The following FNBP1 variants were observed in gnomAD, a reference collection of about 807,000 sequenced individuals.
FNBP1 encodes formin binding protein 1.
FNBP1 carries 26 observed loss-of-function variants against 90.6 expected under a neutral mutation model. The observed-to-expected ratio is 0.29, with a 90% confidence interval of 0.21 to 0.40. The LOEUF (loss-of-function observed/expected upper bound fraction) is 0.40, where lower values mean the gene tolerates loss of function less well. Ranked by LOEUF, FNBP1 falls within the 10% of genes least tolerant of loss-of-function variation. FNBP1 has a pLI of 1.00. For missense variants in FNBP1, 635 were observed against 768.0 expected (o/e 0.83, Z 2.05); for synonymous variants, 260 against 265.2 (o/e 0.98, Z 0.19).
At chr9:129,914,985 A>G (rs2064570382) in intron 11 of FNBP1, 2 of 381,490 alleles carry the variant, frequency 5.2e-6, no homozygotes, top group African/African-American at 4.2e-5. Flanking sequence ...CTTTTAATAA[A>G]TTTAATGATT....
At chr9:129,952,117 G>A (rs116491668) in intron 6 of FNBP1, among the ~76,000 whole-genome samples, 6,258 of 151,978 alleles carry the variant, frequency 0.041, 232 homozygotes, top group African/African-American at 0.099. Context: ...GTTTGAACCC[G>A]GGAGGCACAG....
chr9:129,894,929 A>G (rs10988541), intron 16 of FNBP1, among the ~76,000 whole-genome samples: 87,298 of 151,726 alleles, frequency 0.58, 25,369 homozygotes, highest in East Asian at 0.8. Flanking sequence ...GTGGTGGTGC[A>G]CACCTGTAAT....
intron 6 of FNBP1, among the ~76,000 whole-genome samples, chr9:129,941,676 C>G (rs1469094787): frequency 6.6e-6 from 1 of 152,108 alleles, no homozygotes. Flanking sequence ...CGTTGCCCAG[C>G]CTGGTCTCGA....
intron 15 of FNBP1, among the ~76,000 whole-genome samples, 200 bp downstream of exon 15, chr9:129,899,765 A>AG (rs2036517854): frequency 1.5e-5 from 2 of 134,584 alleles, no homozygotes; most frequent in Admixed American, 7.4e-5. Flanking sequence ...AAGGAAGGGA[A>AG]GGAAGGGAAG....
At chr9:130,009,035 A>T (rs1189457030) in intron 1 of FNBP1, among the ~76,000 whole-genome samples, 2 of 152,224 alleles carry the variant, frequency 1.3e-5, no homozygotes, top group Non-Finnish European at 2.9e-5. Context: ...CCAGATTTTT[A>T]AAGTCCTGAC....
At chr9:129,927,136 TG>T in intron 8 of FNBP1, 58 bp downstream of exon 8, 1 of 1,560,146 alleles carries the variant, frequency 6.4e-7, no homozygotes. Context: ...GGAAAGGGGA[TG>T]GGGAGAAATA....
chr9:129,955,835 G>GCACA (rs57433578), intron 6 of FNBP1, among the ~76,000 whole-genome samples: 44 of 140,714 alleles, frequency 3.1e-4, no homozygotes, highest in South Asian at 4.4e-4. Context: ...CTTTTAGCGC[G>GCACA]CACACACACA....
At chr9:129,940,251 A>G (rs894804033) in intron 6 of FNBP1, among the ~76,000 whole-genome samples, 1 of 152,162 alleles carries the variant, frequency 6.6e-6, no homozygotes, top group Non-Finnish European at 1.5e-5. Flanking sequence ...CAACAAAACA[A>G]CATTTTGAAG....
intron 1 of FNBP1, among the ~76,000 whole-genome samples, chr9:130,005,723 C>T (rs1330947081): frequency 6.6e-6 from 1 of 152,208 alleles, no homozygotes; most frequent in East Asian, 1.9e-4. Flanking sequence ...AAAGTGACTT[C>T]ATTGCTTGCC....
chr9:129,980,916 T>C (rs1017789037), intron 2 of FNBP1, among the ~76,000 whole-genome samples: 3 of 151,692 alleles, frequency 2.0e-5, no homozygotes, highest in Non-Finnish European at 2.9e-5. Context: ...CTGGGCATGG[T>C]GGCAGGCGCC....
intron 4 of FNBP1, among the ~76,000 whole-genome samples, chr9:129,962,550 C>G (rs796977355): frequency 6.6e-6 from 1 of 152,182 alleles, no homozygotes; most frequent in Non-Finnish European, 1.5e-5. Context: ...ACTGGAAAGG[C>G]TGGGAAGGCA....
intron 1 of FNBP1, among the ~76,000 whole-genome samples, chr9:130,009,079 G>A (rs1456179439): frequency 6.6e-6 from 1 of 152,158 alleles, no homozygotes; most frequent in African/African-American, 2.4e-5. Flanking sequence ...CCAAGTTGGA[G>A]GGGGCAGTGG....
chr9:130,049,865 T>TG, the FNBP1 span, among the ~76,000 whole-genome samples: 2 of 152,154 alleles, frequency 1.3e-5, no homozygotes, highest in African/African-American at 4.8e-5. Flanking sequence ...TTTTCTTTTT[T>TG]TGTGTGTGTT....
At chr9:129,893,149 C>T in intron 16 of FNBP1, among the ~76,000 whole-genome samples, 1 of 152,018 alleles carries the variant, frequency 6.6e-6, no homozygotes, top group African/African-American at 2.4e-5. Context: ...CCTTAGGTTT[C>T]CCATTCACTT....
rs1564441818 is a variant in FNBP1, at chr9:129,961,579, A to AT, written c.346-3027dup. On this transcript the variant is annotated intron_variant, in intron 4 of 16. Coordinates refer to ENST00000446176, the MANE Select transcript of FNBP1 (RefSeq NM_015033.3). ...GTTCCCTAAATCCTTTATATATTTT[A>AT]TTTTTTGAGACGGAGTCTTGTTCCG... Among the ~76,000 whole-genome samples, 3 of 151,932 alleles carry AT rather than the reference A, an allele frequency of 2.0e-5. No homozygotes were observed. The South Asian group carries it at 6.2e-4, about 32-fold the overall frequency.
chr9:130,034,415 T>G (rs1305020284), intron 1 of FNBP1, among the ~76,000 whole-genome samples: 1 of 151,160 alleles, frequency 6.6e-6, no homozygotes, highest in African/African-American at 2.4e-5. Context: ...CCCAGGAGAT[T>G]GAGGCTGCAG....
At chr9:129,903,759 G>A (rs1056279177) in intron 12 of FNBP1, among the ~76,000 whole-genome samples, 1 of 152,046 alleles carries the variant, frequency 6.6e-6, no homozygotes. Context: ...TTGAACTCCT[G>A]GCCTCAAGCA....
chr9:129,934,486 G>T (rs1344862630), intron 6 of FNBP1, among the ~76,000 whole-genome samples: 3 of 152,050 alleles, frequency 2.0e-5, no homozygotes, highest in Non-Finnish European at 4.4e-5. Flanking sequence ...TTAAACTTGA[G>T]AATTTTTTGA....
chr9:129,919,216 T>C lies in FNBP1; in HGVS notation c.1171-3236A>G, dbSNP rs1444967721. 3.8e-6 allele frequency: 5 copies of C among 1,302,250 alleles called. No homozygotes were observed. The Admixed American group carries it at 1.1e-4, about 30-fold the overall frequency. The allele number at this position is 1,302,250 out of a possible 1,614,324, so 80.7% of individuals were successfully genotyped here. A position where few individuals can be genotyped will look rare whatever the true frequency, so the allele number is the denominator to read the frequency against. ...GTTTCCCTATCGTCCTCTTCATGAGTTCTTTGTGAAAACAGAAAGACTGAG... is the reference window on the plus strand; with the variant it reads ...GTTTCCCTATCGTCCTCTTCATGAGCTCTTTGTGAAAACAGAAAGACTGAG... On this transcript the variant is annotated intron_variant, in intron 10 of 16. Coordinates refer to ENST00000446176, the MANE Select transcript of FNBP1 (RefSeq NM_015033.3).
Sources: gnomAD v4.1 joint callset for allele counts (sites outside exome capture counted in the v4.1 genomes callset) on GRCh38, gnomAD v4.1.1 for gene constraint, MANE v1.5 for transcripts, NCBI Gene and HGNC (gene_info 2026-07-23, HGNC 2026-07-21) for gene names.